Variants in HRH4 observed in about 807,000 individuals in gnomAD.
HRH4 encodes histamine receptor H4.
Under a neutral mutation model 10.4 loss-of-function variants are expected in HRH4, and 12 were observed. The observed-to-expected ratio is 1.15, with a 90% CI of 0.74 to 1.87. The LOEUF (loss-of-function observed/expected upper bound fraction) is 1.87, where lower values mean the gene tolerates loss of function less well. Ranked by LOEUF, HRH4 falls within the 40% of genes most tolerant of loss-of-function variation. The probability of loss-of-function intolerance (pLI) is 0.00; values close to 1 mark genes in which losing one functional copy is unlikely to be tolerated. For missense variants in HRH4, 415 were observed against 453.3 expected (o/e 0.92, Z 0.77); for synonymous variants, 154 against 166.6 (o/e 0.92, Z 0.58).
chr18:24,477,233 T>G lies in HRH4; in HGVS notation c.844T>G (p.Ser282Ala), dbSNP rs773223791. 1 of 1,614,208 alleles carries G rather than the reference T, an allele frequency of 6.2e-7. No individual in the cohort carries two copies. The highest frequency in any genetic ancestry group is 2.2e-5 in the East Asian group (1 of 44,892). The part of the protein sequence containing the change: ...IASKMGSFSQ[S>A]DSVALHQREH... Reference sequence around the variant, plus strand: ...TTCCAAAATGGGTTCCTTCTCCCAATCAGATTCTGTAGCTCTTCACCAAAG... The same window carrying G: ...TTCCAAAATGGGTTCCTTCTCCCAAGCAGATTCTGTAGCTCTTCACCAAAG... The change falls in exon 3 of 3, where the codon TCA becomes GCA. Residue 282 changes from serine to alanine, a missense_variant. Transcript: ENST00000256906.
At chr18:24,473,865 C>T (rs187483360) in intron 2 of HRH4, among the ~76,000 whole-genome samples, 6 of 152,042 alleles carry the variant, frequency 3.9e-5, no homozygotes, top group East Asian at 3.9e-4. Context: ...TTTATTGGGG[C>T]GGGAAAAAAG....
At chr18:24,476,242 C>G (rs2144384062) in intron 2 of HRH4, among the ~76,000 whole-genome samples, 1 of 152,210 alleles carries the variant, frequency 6.6e-6, no homozygotes, top group Admixed American at 6.5e-5. Flanking sequence ...CTGCATTTCT[C>G]TTTATTTATA....
At chr18:24,461,028 A>G in intron 1 of HRH4, 107 bp downstream of exon 1, 3 of 790,954 alleles carry the variant, frequency 3.8e-6, no homozygotes, top group African/African-American at 1.7e-5. Flanking sequence ...AACTGGGGAA[A>G]AATAAACACA....
rs765269581 is a variant in HRH4 at position 24,460,873 on chromosome 18, C to A, written c.145C>A (p.Arg49=). 1.9e-6 allele frequency: 3 copies of A among 1,586,990 alleles called. No homozygotes were observed. The highest frequency in any genetic ancestry group is 2.6e-6 in the Non-Finnish European group (3 of 1,160,716). Residue 49 remains arginine, a synonymous_variant, in exon 1 of 3, where the codon CGA becomes AGA. Transcript: ENST00000256906. ...TGTGGTGGACAAAAACCTTAGACAT[C>A]GAAGTAGTTATTTTTTTCTTAACTT... is the stretch of plus-strand genomic sequence containing the variant. ...AFVVDKNLRH[R]SSYFFLNLAI...
chr18:24,472,742 A>G (rs1910006367), intron 2 of HRH4, among the ~76,000 whole-genome samples: 1 of 152,232 alleles, frequency 6.6e-6, no homozygotes, highest in African/African-American at 2.4e-5. Context: ...GGTGGAGCAC[A>G]TGATTACAGT....
Position 24,460,883 on chromosome 18 carries a change from AT to A in HRH4, c.162del (p.Asn56ThrfsTer11). 4 of 1,582,616 alleles carry A rather than the reference AT, an allele frequency of 2.5e-6. No individual in the cohort carries two copies. Among genetic ancestry groups the A allele is most frequent in the Non-Finnish European group, 3.5e-6 (4 of 1,158,012 alleles). Reference sequence around the variant, plus strand: ...AAAAACCTTAGACATCGAAGTAGTTATTTTTTTCTTAACTTGGCCATCTCTG... The same window carrying A: ...AAAAACCTTAGACATCGAAGTAGTTATTTTTTCTTAACTTGGCCATCTCTG... ...VDKNLRHRSS[Y>X]FFLNLAISDF... On this transcript the variant is annotated frameshift_variant, in exon 1 of 3. Transcript: ENST00000256906. LOFTEE classifies it high-confidence loss of function.
chr18:24,478,075 C>T lies in HRH4; in HGVS notation c.*513C>T, dbSNP rs975878854. ...CCTGTGTGTGTCCAGATTTTATATT[C>T]CTAATCCCAGTAAGGAAGAAAGCGT... is the stretch of plus-strand genomic sequence containing the variant. On this transcript the variant is annotated 3_prime_UTR_variant, in exon 3 of 3. Transcript: ENST00000256906. 1 of 152,610 alleles carries T rather than the reference C, an allele frequency of 6.6e-6. No homozygotes were observed. The highest frequency in any genetic ancestry group is 1.9e-4 in the East Asian group (1 of 5,200). 9.5% of individuals were successfully genotyped at this position (152,610 alleles called of 1,614,324 possible).
chr18:24,472,191 G>A (rs549643839), intron 2 of HRH4, among the ~76,000 whole-genome samples: 6 of 152,204 alleles, frequency 3.9e-5, no homozygotes, highest in East Asian at 3.9e-4. Context: ...GATTACAGGC[G>A]CGTGCCAGCG....
intron 2 of HRH4, 34 bp from the exon 3 acceptor site, chr18:24,476,713 T>A: frequency 2.1e-6 from 3 of 1,457,790 alleles, no homozygotes; most frequent in Non-Finnish European, 2.9e-6. Context: ...AACATACACA[T>A]TCATTATATT....
rs1019201985 is a variant in HRH4, at chr18:24,476,818, C to T, written c.429C>T (p.Ala143=). Residue 143 remains alanine, a synonymous_variant, in exon 3 of 3, where the codon GCC becomes GCT. Coordinates refer to ENST00000256906, the MANE Select transcript of HRH4 (RefSeq NM_021624.4). ...VTLMVAVWVL[A]FLVNGPMILV... ...TGATGGTGGCCGTTTGGGTGCTGGC[C>T]TTCTTAGTGAATGGGCCAATGATTC... is the stretch of plus-strand genomic sequence containing the variant. The T allele has an allele frequency of 2.7e-5, 43 of 1,614,066 alleles. No homozygotes were observed. Among genetic ancestry groups the T allele is most frequent in the Non-Finnish European group, 3.4e-5 (40 of 1,180,046 alleles).
intron 2 of HRH4, among the ~76,000 whole-genome samples, chr18:24,470,235 G>A (rs907358138): frequency 2.0e-5 from 3 of 152,142 alleles, no homozygotes; most frequent in Non-Finnish European, 2.9e-5. Context: ...ATGAAAGAGT[G>A]GATTCTCTGC....
At chr18:24,461,764 C>CT (rs34478102) in intron 1 of HRH4, among the ~76,000 whole-genome samples, 9,667 of 140,908 alleles carry the variant, frequency 0.069, 322 homozygotes, top group African/African-American at 0.076. Context: ...TGTTAGTTCT[C>CT]TTTTTTTTTT....
intron 2 of HRH4, among the ~76,000 whole-genome samples, chr18:24,470,363 A>G (rs1599777706): frequency 6.6e-6 from 1 of 152,014 alleles, no homozygotes; most frequent in Non-Finnish European, 1.5e-5. Context: ...TGTAGAACCT[A>G]CTGTTTCTGT....
At chr18:24,475,934 G>A (rs768467371) in intron 2 of HRH4, among the ~76,000 whole-genome samples, 1 of 152,144 alleles carries the variant, frequency 6.6e-6, no homozygotes, top group Non-Finnish European at 1.5e-5. Context: ...CTTGAACGTG[G>A]GAAGCGGTGG....
chr18:24,469,100 T>TTGC (rs1909865078), intron 2 of HRH4, 149 bp downstream of exon 2: 3 of 603,482 alleles, frequency 5.0e-6, no homozygotes, highest in Non-Finnish European at 8.4e-6. Flanking sequence ...CATAAAGTTC[T>TTGC]TGCTGGTTGT....
intron 1 of HRH4, among the ~76,000 whole-genome samples, chr18:24,468,375 G>T (rs1015180892): frequency 6.6e-6 from 1 of 152,150 alleles, no homozygotes; most frequent in South Asian, 2.1e-4. Flanking sequence ...AGTAGATTAT[G>T]TATAATACCA....
intron 1 of HRH4, among the ~76,000 whole-genome samples, chr18:24,468,492 G>A (rs972443090): frequency 6.6e-6 from 1 of 152,200 alleles, no homozygotes; most frequent in Non-Finnish European, 1.5e-5. Context: ...CAGTACAGAT[G>A]CAGTTTTTTT....
At chr18:24,469,246 G>A (rs1316988705) in intron 2 of HRH4, among the ~76,000 whole-genome samples, 1 of 152,150 alleles carries the variant, frequency 6.6e-6, no homozygotes, top group African/African-American at 2.4e-5. Flanking sequence ...ATTCATGACA[G>A]GTTTATGGGT....
At chr18:24,461,764 CTTT>C (rs34478102) in intron 1 of HRH4, among the ~76,000 whole-genome samples, 4 of 140,954 alleles carry the variant, frequency 2.8e-5, no homozygotes, top group Non-Finnish European at 3.1e-5. Flanking sequence ...TGTTAGTTCT[CTTT>C]TTTTTTTTTT....
Sources: allele counts gnomAD v4.1 joint callset (sites outside exome capture counted in the v4.1 genomes callset), GRCh38; gene constraint gnomAD v4.1.1; transcripts MANE v1.5; gene names NCBI Gene and HGNC (gene_info 2026-07-23, HGNC 2026-07-21).